NELL1: variants seen among roughly 807,000 people sequenced by gnomAD.
The protein encoded by NELL1 is neural EGFL like 1.
NELL1 carries 76 observed loss-of-function variants against 107.4 expected under a neutral mutation model. The ratio of observed to expected loss-of-function variants is 0.71; its 90% CI spans 0.59 to 0.86. NELL1 has a LOEUF of 0.86. Ranked by LOEUF, NELL1 falls within the 40% of genes least tolerant of loss-of-function variation. The probability of loss-of-function intolerance (pLI) is 0.00; values close to 1 mark genes in which losing one functional copy is unlikely to be tolerated. For synonymous variants in NELL1, 353 were observed against 341.2 expected (o/e 1.03, Z -0.38); for missense variants, 1,024 against 1,005.5 (o/e 1.02, Z -0.25).
chr11:21,512,848 G>C lies in NELL1; in HGVS notation c.1646-21526G>C, dbSNP rs77273198. 8.1e-3 allele frequency among the ~76,000 whole-genome samples: 1,225 copies of C among 152,008 alleles called. 18 individuals are homozygous for C. The highest frequency in any genetic ancestry group is 0.027 in the African/African-American group (1,104 of 41,456). ...AAATATGCAACAGATATAAACCAAC[G>C]AAGCCTGTTGACATTCCACCTAACC... On this transcript the variant is annotated intron_variant, in intron 15 of 19. Coordinates refer to ENST00000357134, the MANE Select transcript of NELL1 (RefSeq NM_006157.5).
chr11:20,729,588 G>T (rs1477381505), intron 2 of NELL1, among the ~76,000 whole-genome samples: 3 of 152,112 alleles, frequency 2.0e-5, no homozygotes, highest in African/African-American at 7.2e-5. Context: ...TTCTGTTTGT[G>T]TGGTGAATTA....
chr11:21,011,860 A>T (rs1450364620), intron 12 of NELL1, among the ~76,000 whole-genome samples: 1 of 152,096 alleles, frequency 6.6e-6, no homozygotes, highest in Non-Finnish European at 1.5e-5. Flanking sequence ...CATCCAATAA[A>T]CTATTAAATA....
chr11:21,315,382 G>A (rs1277152173), intron 14 of NELL1, among the ~76,000 whole-genome samples: 1 of 152,094 alleles, frequency 6.6e-6, no homozygotes, highest in Non-Finnish European at 1.5e-5. Context: ...CACAAGGGTC[G>A]ATTGGAATAG....
intron 12 of NELL1, among the ~76,000 whole-genome samples, chr11:21,052,018 C>T (rs114617838): frequency 3.4e-3 from 517 of 152,036 alleles, no homozygotes; most frequent in African/African-American, 0.012. Context: ...TAGTGGGAAG[C>T]GTACGATTTT....
At chr11:21,035,125 A>G (rs183496407) in intron 12 of NELL1, among the ~76,000 whole-genome samples, 31 of 152,236 alleles carry the variant, frequency 2.0e-4, no homozygotes, top group Non-Finnish European at 2.6e-4. Context: ...GAAAATGTAG[A>G]AGAACTGGAT....
intron 16 of NELL1, among the ~76,000 whole-genome samples, chr11:21,551,900 A>G (rs1326895339): frequency 1.3e-5 from 2 of 148,568 alleles, no homozygotes; most frequent in Non-Finnish European, 3.0e-5. Flanking sequence ...ATGTCCAACA[A>G]TGATAGACTG....
intron 15 of NELL1, among the ~76,000 whole-genome samples, chr11:21,406,864 A>T (rs1194103588): frequency 6.6e-6 from 1 of 152,040 alleles, no homozygotes; most frequent in Non-Finnish European, 1.5e-5. Context: ...TTTGAAATAT[A>T]CAGTAAATTA....
chr11:21,130,417 C>A (rs1466859165), intron 13 of NELL1, among the ~76,000 whole-genome samples: 28 of 152,160 alleles, frequency 1.8e-4, no homozygotes, highest in Admixed American at 1.8e-3. Context: ...ATTACCTGGA[C>A]AGTATCCCTT....
chr11:21,246,568 C>T (rs910856927), intron 14 of NELL1, among the ~76,000 whole-genome samples: 2 of 152,114 alleles, frequency 1.3e-5, no homozygotes, highest in Non-Finnish European at 2.9e-5. Context: ...GTATAGCTTA[C>T]TACATACCTA....
intron 14 of NELL1, among the ~76,000 whole-genome samples, chr11:21,298,301 A>G (rs572155167): frequency 1.2e-4 from 18 of 152,094 alleles, no homozygotes; most frequent in African/African-American, 4.1e-4. Context: ...ATTCTTTGTC[A>G]TGATTCTATC....
intron 13 of NELL1, among the ~76,000 whole-genome samples, chr11:21,178,314 T>C (rs748012947): frequency 1.3e-5 from 2 of 151,886 alleles, no homozygotes; most frequent in Non-Finnish European, 2.9e-5. Context: ...ATTTGTAATC[T>C]AATTGAACAG....
intron 12 of NELL1, among the ~76,000 whole-genome samples, chr11:21,037,098 T>G (rs1390462298): frequency 6.6e-6 from 1 of 152,080 alleles, no homozygotes; most frequent in East Asian, 1.9e-4. Flanking sequence ...CAGTACTGTT[T>G]AATAGAAATT....
chr11:20,897,829 C>A lies in NELL1; in HGVS notation c.603+12289C>A, dbSNP rs561886640. 9.2e-5 allele frequency among the ~76,000 whole-genome samples: 14 copies of A among 152,174 alleles called. No homozygotes were observed. In the South Asian group the frequency reaches 1.5e-3, roughly 16 times the overall value. ...GACACATGAAAAAATGCTCATCATC[C>A]CTGGCCATCAGAGAAATGCAAATCA... On this transcript the variant is annotated intron_variant, in intron 5 of 19. Coordinates refer to ENST00000357134, the MANE Select transcript of NELL1 (RefSeq NM_006157.5).
chr11:21,041,321 T>A, intron 12 of NELL1, among the ~76,000 whole-genome samples: 1 of 152,304 alleles, frequency 6.6e-6, no homozygotes, highest in East Asian at 1.9e-4. Context: ...TAATTGTTAA[T>A]AAAAATAGTT....
intron 12 of NELL1, among the ~76,000 whole-genome samples, chr11:21,094,595 A>C (rs1451580394): frequency 2.0e-5 from 3 of 152,160 alleles, no homozygotes; most frequent in African/African-American, 7.2e-5. Flanking sequence ...ATTTCCATAC[A>C]TCTTATGAAA....
chr11:20,760,508 T>C (rs1564897574), intron 2 of NELL1, among the ~76,000 whole-genome samples: 2 of 152,288 alleles, frequency 1.3e-5, no homozygotes, highest in East Asian at 1.9e-4. Context: ...CCTAGACTTT[T>C]TCTGGGAAAA....
chr11:20,772,431 C>G (rs1856658547), intron 2 of NELL1, among the ~76,000 whole-genome samples: 2 of 152,118 alleles, frequency 1.3e-5, no homozygotes. Context: ...ACCACAGATT[C>G]TTCATCTTTA....
chr11:20,766,468 T>C (rs1856530636), intron 2 of NELL1, among the ~76,000 whole-genome samples: 1 of 152,206 alleles, frequency 6.6e-6, no homozygotes, highest in Non-Finnish European at 1.5e-5. Context: ...ACATATTTTA[T>C]GTATAATTTT....
intron 12 of NELL1, among the ~76,000 whole-genome samples, chr11:21,090,398 G>C (rs1469882549): frequency 6.6e-6 from 1 of 152,138 alleles, no homozygotes. Flanking sequence ...TGCCTGTTCA[G>C]TGTTTATTTC....
Sources: allele counts gnomAD v4.1 joint callset (sites outside exome capture counted in the v4.1 genomes callset), GRCh38; gene constraint gnomAD v4.1.1; transcripts MANE v1.5; gene names NCBI Gene and HGNC (gene_info 2026-07-23, HGNC 2026-07-21).